ADGRB3: variants seen among roughly 807,000 people sequenced by gnomAD.
ADGRB3 encodes brain-specific angiogenesis inhibitor 3.
In ADGRB3, 37 loss-of-function variants were observed where a neutral mutation model predicts 193.4. The observed-to-expected ratio is 0.19, with a 90% CI of 0.15 to 0.25. The LOEUF (loss-of-function observed/expected upper bound fraction) is 0.25. Among genes scored for constraint, ADGRB3 ranks in the 10% least tolerant of loss-of-function variants. The pLI is 1.00. For missense variants in ADGRB3, 1,637 were observed against 1,852.9 expected (o/e 0.88, Z 2.14); for synonymous variants, 690 against 644.2 (o/e 1.07, Z -1.08).
At chr6:68,786,469 T>C (rs1270008207) in intron 3 of ADGRB3, among the ~76,000 whole-genome samples, 4 of 152,188 alleles carry the variant, frequency 2.6e-5, no homozygotes, top group Admixed American at 6.5e-5. Flanking sequence ...GTTGTAGATA[T>C]GCAGCGTTAT....
chr6:69,255,820 G>T (rs1250525212), intron 20 of ADGRB3, among the ~76,000 whole-genome samples: 1 of 152,158 alleles, frequency 6.6e-6, no homozygotes, highest in African/African-American at 2.4e-5. Context: ...TTCTTCTAAG[G>T]TTTTTATGGT....
At chr6:68,653,230 A>G (rs1301275479) in intron 3 of ADGRB3, among the ~76,000 whole-genome samples, 3 of 152,184 alleles carry the variant, frequency 2.0e-5, no homozygotes. Context: ...TTGCCTGTCT[A>G]TGATGACTGT....
chr6:68,840,721 A>G (rs1368273946), intron 3 of ADGRB3, among the ~76,000 whole-genome samples: 1 of 146,572 alleles, frequency 6.8e-6, no homozygotes, highest in African/African-American at 2.5e-5. Context: ...AACAGAAATT[A>G]ATAACAAAAA....
At chr6:69,050,931 A>G (rs1771375318) in intron 15 of ADGRB3, among the ~76,000 whole-genome samples, 1 of 152,166 alleles carries the variant, frequency 6.6e-6, no homozygotes, top group African/African-American at 2.4e-5. Flanking sequence ...ATGTCCAGCA[A>G]TGTTGCATTA....
chr6:68,993,990 G>T, intron 11 of ADGRB3, 28 bp downstream of exon 11: 1 of 1,602,120 alleles, frequency 6.2e-7, no homozygotes, highest in Non-Finnish European at 8.5e-7. Context: ...GTGAAGGAAA[G>T]GGCTAGTGAA....
rs192861157 is a variant in ADGRB3, at chr6:68,947,700, A to G, written c.1195+3706A>G. Among the ~76,000 whole-genome samples the G allele has an allele frequency of 4.0e-3, 608 of 152,280 alleles. 3 individuals carry two copies. Among genetic ancestry groups the G allele is most frequent in the Non-Finnish European group, 7.5e-3 (510 of 68,016 alleles). On this transcript the variant is annotated intron_variant, in intron 6 of 31. Coordinates refer to ENST00000370598, the MANE Select transcript of ADGRB3 (RefSeq NM_001704.3). ...TTTATTCATCTGTAAAATGGGGACAATAGTAATACCCACTTCATAGGATGG... is the reference window on the plus strand; with the variant it reads ...TTTATTCATCTGTAAAATGGGGACAGTAGTAATACCCACTTCATAGGATGG...
chr6:69,142,180 G>A (rs940954140), intron 17 of ADGRB3, among the ~76,000 whole-genome samples: 2 of 151,822 alleles, frequency 1.3e-5, no homozygotes, highest in South Asian at 4.2e-4. Flanking sequence ...TGGTTAAACC[G>A]ACCTGTTCCT....
At chr6:68,890,990 A>G (rs531008744) in intron 3 of ADGRB3, among the ~76,000 whole-genome samples, 133 of 152,268 alleles carry the variant, frequency 8.7e-4, no homozygotes, top group Non-Finnish European at 1.6e-3. Flanking sequence ...CATGCTGTTG[A>G]TAAGGACTTA....
intron 17 of ADGRB3, among the ~76,000 whole-genome samples, chr6:69,223,908 T>C (rs62406845): frequency 0.14 from 21,819 of 151,914 alleles, 1,621 homozygotes; most frequent in Middle Eastern, 0.16. Flanking sequence ...CTGTCCACCA[T>C]AGCCTCCCAA....
chr6:68,940,439 A>C (rs932711153), intron 5 of ADGRB3, among the ~76,000 whole-genome samples: 5 of 151,730 alleles, frequency 3.3e-5, no homozygotes, highest in Non-Finnish European at 7.4e-5. Flanking sequence ...GTCATTGCCA[A>C]ATGTCACCTG....
intron 10 of ADGRB3, among the ~76,000 whole-genome samples, chr6:68,987,549 C>CA (rs1298371492): frequency 2.0e-5 from 3 of 152,024 alleles, no homozygotes; most frequent in Non-Finnish European, 4.4e-5. Flanking sequence ...TAAATATTGT[C>CA]AAAATGCTTA....
At chr6:69,166,932 G>A (rs953210833) in intron 17 of ADGRB3, among the ~76,000 whole-genome samples, 1 of 152,046 alleles carries the variant, frequency 6.6e-6, no homozygotes, top group African/African-American at 2.4e-5. Flanking sequence ...ATCTGCTAAA[G>A]ATTTAAGAAA....
intron 17 of ADGRB3, among the ~76,000 whole-genome samples, chr6:69,144,119 A>G (rs1020154468): frequency 6.6e-6 from 1 of 152,062 alleles, no homozygotes; most frequent in Admixed American, 6.5e-5. Flanking sequence ...ATTCCTAAGT[A>G]TTTAATTTTA....
At chr6:69,036,507 A>C (rs1201212414) in intron 13 of ADGRB3, among the ~76,000 whole-genome samples, 2 of 152,104 alleles carry the variant, frequency 1.3e-5, no homozygotes, top group East Asian at 3.9e-4. Flanking sequence ...AGCACGTAAC[A>C]ATATACAGAA....
At chr6:69,027,274 C>T (rs1770462611) in intron 13 of ADGRB3, among the ~76,000 whole-genome samples, 1 of 151,354 alleles carries the variant, frequency 6.6e-6, no homozygotes, top group Admixed American at 6.6e-5. Context: ...CTAGGCCGTA[C>T]CCAGGGTCAG....
intron 13 of ADGRB3, among the ~76,000 whole-genome samples, chr6:69,018,841 T>C (rs757837140): frequency 8.6e-5 from 13 of 151,966 alleles, no homozygotes; most frequent in Non-Finnish European, 1.6e-4. Flanking sequence ...TGTGTGTGTA[T>C]ACACACTAGT....
At chr6:69,018,541 A>G (rs1459768125) in intron 13 of ADGRB3, 42 bp downstream of exon 13, 2 of 1,380,258 alleles carry the variant, frequency 1.4e-6, no homozygotes, top group Non-Finnish European at 2.0e-6. Flanking sequence ...CTGAAATAAA[A>G]AAAAATTGCA....
At chr6:69,105,139 C>T (rs1486208931) in intron 17 of ADGRB3, among the ~76,000 whole-genome samples, 4 of 152,298 alleles carry the variant, frequency 2.6e-5, no homozygotes, top group Non-Finnish European at 4.4e-5. Flanking sequence ...AATGTTTCAT[C>T]ATTCATTTTT....
At chr6:69,346,607 C>T (rs904317762) in intron 26 of ADGRB3, among the ~76,000 whole-genome samples, 2 of 152,198 alleles carry the variant, frequency 1.3e-5, no homozygotes, top group Non-Finnish European at 2.9e-5. Context: ...AAAAATAGCT[C>T]ATCATCACTA....
Sources: gnomAD v4.1 joint callset for allele counts (sites outside exome capture counted in the v4.1 genomes callset) on GRCh38, gnomAD v4.1.1 for gene constraint, MANE v1.5 for transcripts, NCBI Gene and HGNC (gene_info 2026-07-23, HGNC 2026-07-21) for gene names.